Variants in NELL1 observed in about 807,000 individuals in gnomAD.
NELL1 encodes neural EGFL like 1.
In NELL1, 76 loss-of-function variants were observed where a neutral mutation model predicts 107.4. The ratio of observed to expected loss-of-function variants is 0.71; its 90% CI spans 0.59 to 0.86. The LOEUF (loss-of-function observed/expected upper bound fraction) is 0.86, where lower values mean the gene tolerates loss of function less well. NELL1 is among the 40% of genes least tolerant of loss of function. The pLI is 0.00. For synonymous variants in NELL1, 353 were observed against 341.2 expected (o/e 1.03, Z -0.38); for missense variants, 1,024 against 1,005.5 (o/e 1.02, Z -0.25).
At chr11:21,250,076 T>G (rs1185692183) in intron 14 of NELL1, among the ~76,000 whole-genome samples, 3 of 152,192 alleles carry the variant, frequency 2.0e-5, no homozygotes, top group African/African-American at 7.2e-5. Context: ...TTAAAATATT[T>G]TTTACTTAGT....
chr11:21,324,491 T>C (rs923988331), intron 14 of NELL1, among the ~76,000 whole-genome samples: 3 of 152,120 alleles, frequency 2.0e-5, no homozygotes, highest in South Asian at 2.1e-4. Flanking sequence ...TTTCTTCAGA[T>C]ACTGTGATGC....
chr11:21,060,063 A>G (rs1853703046), intron 12 of NELL1, among the ~76,000 whole-genome samples: 1 of 152,184 alleles, frequency 6.6e-6, no homozygotes, highest in Non-Finnish European at 1.5e-5. Context: ...GGGGTTAGGC[A>G]CATTAATTAG....
chr11:20,929,280 C>T (rs980716018), intron 9 of NELL1, among the ~76,000 whole-genome samples: 3 of 152,180 alleles, frequency 2.0e-5, no homozygotes, highest in Non-Finnish European at 2.9e-5. Flanking sequence ...AAAAGAAACA[C>T]ACCAATGTCA....
At chr11:20,706,439 G>A (rs1321332206) in intron 2 of NELL1, among the ~76,000 whole-genome samples, 3 of 144,364 alleles carry the variant, frequency 2.1e-5, no homozygotes, top group African/African-American at 7.7e-5. Flanking sequence ...AACACCGCAT[G>A]TTTTTACTCA....
chr11:21,489,042 C>G (rs1038950296), intron 15 of NELL1, among the ~76,000 whole-genome samples: 2 of 151,632 alleles, frequency 1.3e-5, no homozygotes, highest in Admixed American at 1.3e-4. Flanking sequence ...ACTCACTAGA[C>G]TAACCAAGAG....
chr11:21,119,809 G>A (rs1350938715), intron 13 of NELL1, among the ~76,000 whole-genome samples: 1 of 152,056 alleles, frequency 6.6e-6, no homozygotes, highest in African/African-American at 2.4e-5. Context: ...TAGTCAACCA[G>A]CTTGATTTAT....
intron 15 of NELL1, among the ~76,000 whole-genome samples, chr11:21,451,559 A>G (rs1853586943): frequency 6.6e-6 from 1 of 152,186 alleles, no homozygotes; most frequent in Non-Finnish European, 1.5e-5. Context: ...TCATAATTTC[A>G]TTTATGTTCA....
chr11:20,725,846 C>G (rs977179276), intron 2 of NELL1, among the ~76,000 whole-genome samples: 1 of 152,266 alleles, frequency 6.6e-6, no homozygotes, highest in East Asian at 1.9e-4. Context: ...TGAATGATCC[C>G]ATCATCCAAG....
chr11:21,075,827 C>A (rs949779129), intron 12 of NELL1, among the ~76,000 whole-genome samples: 1 of 152,102 alleles, frequency 6.6e-6, no homozygotes, highest in Admixed American at 6.5e-5. Context: ...CAATTTTCTC[C>A]TTTTATTTTT....
intron 15 of NELL1, among the ~76,000 whole-genome samples, chr11:21,495,455 C>A (rs544303477): frequency 5.9e-5 from 9 of 152,180 alleles, no homozygotes; most frequent in Admixed American, 2.0e-4. Context: ...ATGAGTAAAT[C>A]CACTACTAAT....
Position 21,290,196 on chromosome 11 carries a change from C to G in NELL1, c.1549+60742C>G, listed in dbSNP as rs191993490. On this transcript the variant is annotated intron_variant, in intron 14 of 19. Coordinates refer to ENST00000357134, the MANE Select transcript of NELL1 (RefSeq NM_006157.5). ...CATCCTGTCTAACACGGTGAAACCC[C>G]GTCTCTACTAAAAATACAAAAAATT... Among the ~76,000 whole-genome samples the G allele has an allele frequency of 2.0e-5, 3 of 151,722 alleles. No individual in the cohort carries two copies. The South Asian group carries it at 6.2e-4, about 31-fold the overall frequency.
chr11:21,082,847 T>G (rs1303811278), intron 12 of NELL1, among the ~76,000 whole-genome samples: 3 of 152,242 alleles, frequency 2.0e-5, no homozygotes, highest in Non-Finnish European at 4.4e-5. Context: ...TTAAAAATCC[T>G]TATTTAAGGT....
chr11:21,037,399 C>A (rs1414327692), intron 12 of NELL1, among the ~76,000 whole-genome samples: 3 of 151,968 alleles, frequency 2.0e-5, no homozygotes, highest in Non-Finnish European at 4.4e-5. Flanking sequence ...TAAATTTGAC[C>A]TTGAAACTGT....
intron 3 of NELL1, among the ~76,000 whole-genome samples, chr11:20,815,556 C>T (rs141616542): frequency 6.6e-6 from 1 of 152,050 alleles, no homozygotes; most frequent in African/African-American, 2.4e-5. Context: ...AGTTATTAGA[C>T]CATTGTTAGA....
chr11:20,828,949 A>G (rs1013834838), intron 3 of NELL1, among the ~76,000 whole-genome samples: 2 of 152,216 alleles, frequency 1.3e-5, no homozygotes, highest in Non-Finnish European at 2.9e-5. Context: ...GAGAAAGTCC[A>G]GAGGATCCAG....
chr11:21,185,782 C>A lies in NELL1; in HGVS notation c.1427-43550C>A, dbSNP rs191680285. Among the ~76,000 whole-genome samples the A allele has an allele frequency of 1.7e-3, 265 of 151,980 alleles. 11 individuals carry two copies. Among genetic ancestry groups the A allele is most frequent in the African/African-American group, 5.2e-3 (216 of 41,246 alleles). ...TCTCTCTCCTCTAGCTTTTAACCTG[C>A]ACCTTGCTTACTAAGTTCTAGTAAA... On this transcript the variant is annotated intron_variant, in intron 13 of 19. Coordinates refer to ENST00000357134, the MANE Select transcript of NELL1 (RefSeq NM_006157.5).
At chr11:21,095,276 A>G (rs896462409) in intron 12 of NELL1, among the ~76,000 whole-genome samples, 1 of 152,100 alleles carries the variant, frequency 6.6e-6, no homozygotes, top group Non-Finnish European at 1.5e-5. Context: ...TATTGTCCAT[A>G]TCGCTATCAG....
At chr11:21,314,622 T>C (rs957630398) in intron 14 of NELL1, among the ~76,000 whole-genome samples, 1 of 152,142 alleles carries the variant, frequency 6.6e-6, no homozygotes, top group African/African-American at 2.4e-5. Flanking sequence ...GCAGCCAGTA[T>C]TTGAGGATCT....
chr11:21,378,751 TC>T (rs1488009366), intron 15 of NELL1, among the ~76,000 whole-genome samples: 1 of 145,196 alleles, frequency 6.9e-6, no homozygotes, highest in African/African-American at 2.6e-5. Context: ...AGAGTCTCAC[TC>T]CATCGCCCTG....
Sources: gnomAD v4.1 joint callset for allele counts (sites outside exome capture counted in the v4.1 genomes callset) on GRCh38, gnomAD v4.1.1 for gene constraint, MANE v1.5 for transcripts, NCBI Gene and HGNC (gene_info 2026-07-23, HGNC 2026-07-21) for gene names.